Variants in KCNIP4 observed in about 807,000 individuals in gnomAD.
The protein encoded by KCNIP4 is potassium voltage-gated channel interacting protein 4.
KCNIP4 carries 12 observed loss-of-function variants against 34.0 expected under a neutral mutation model. The ratio of observed to expected loss-of-function variants is 0.35; its 90% CI spans 0.23 to 0.57. The LOEUF (loss-of-function observed/expected upper bound fraction) is 0.57, where lower values mean the gene tolerates loss of function less well. KCNIP4 is among the 20% of genes least tolerant of loss of function. The pLI, the probability that KCNIP4 is intolerant of heterozygous loss-of-function variation, is 0.83. For missense variants in KCNIP4, 238 were observed against 311.7 expected (o/e 0.76, Z 1.78); for synonymous variants, 124 against 102.2 (o/e 1.21, Z -1.29).
intron 1 of KCNIP4, among the ~76,000 whole-genome samples, chr4:21,813,956 T>C: frequency 6.6e-6 from 1 of 152,180 alleles, no homozygotes; most frequent in East Asian, 1.9e-4. Flanking sequence ...CAAAAGTACC[T>C]GTCAAAATGC....
At chr4:21,459,376 G>A (rs1270166474) in intron 1 of KCNIP4, among the ~76,000 whole-genome samples, 1 of 151,960 alleles carries the variant, frequency 6.6e-6, no homozygotes, top group Non-Finnish European at 1.5e-5. Context: ...TTCTTCCCTT[G>A]TTTTTCTTCC....
intron 1 of KCNIP4, among the ~76,000 whole-genome samples, chr4:21,038,962 C>T (rs1442318345): frequency 6.6e-6 from 1 of 152,164 alleles, no homozygotes; most frequent in Non-Finnish European, 1.5e-5. Flanking sequence ...GCATCCACAT[C>T]ATTCTCATGT....
intron 3 of KCNIP4, among the ~76,000 whole-genome samples, chr4:20,806,083 C>T (rs1171361460): frequency 6.6e-6 from 1 of 151,836 alleles, no homozygotes; most frequent in Non-Finnish European, 1.5e-5. Context: ...TTTGGGGGGG[C>T]TTTCTTTAAT....
rs143939303 is a variant in KCNIP4 at position 21,547,704 on chromosome 4, C to T, written c.61+400867G>A. 1.1e-3 allele frequency among the ~76,000 whole-genome samples: 169 copies of T among 152,150 alleles called. 1 individual carries two copies. The highest frequency in any genetic ancestry group is 3.7e-3 in the African/African-American group (155 of 41,536). On this transcript the variant is annotated intron_variant, in intron 1 of 8. Coordinates refer to ENST00000382152, the MANE Select transcript of KCNIP4 (RefSeq NM_025221.6). ...AAGGCCGAATGTCTGTTATCTGAAA[C>T]GCTTGAGACTACAAGTGTTTTAGAT...
intron 4 of KCNIP4, among the ~76,000 whole-genome samples, chr4:20,750,882 C>G (rs911077123): frequency 7.2e-5 from 11 of 151,842 alleles, no homozygotes; most frequent in African/African-American, 2.7e-4. Context: ...AACTTTTAAC[C>G]TTTATTGGGT....
intron 1 of KCNIP4, among the ~76,000 whole-genome samples, chr4:20,995,082 C>T (rs1047102151): frequency 6.6e-6 from 1 of 152,190 alleles, no homozygotes; most frequent in South Asian, 2.1e-4. Flanking sequence ...CTTTTCCAGG[C>T]TTTCTCTCAC....
intron 1 of KCNIP4, among the ~76,000 whole-genome samples, chr4:21,889,425 G>A (rs2109398817): frequency 6.6e-6 from 1 of 151,950 alleles, no homozygotes; most frequent in East Asian, 1.9e-4. Flanking sequence ...CAAACATTTT[G>A]GATAAGGGAT....
chr4:20,953,021 C>T (rs539990166), intron 1 of KCNIP4, among the ~76,000 whole-genome samples: 5 of 152,352 alleles, frequency 3.3e-5, no homozygotes, highest in East Asian at 3.9e-4. Flanking sequence ...ATGACTTAGT[C>T]ACTTCCCAAA....
At position 21,430,464 on chromosome 4, in the gene KCNIP4, C is replaced by T. The variant is rs541140307; in HGVS notation, c.61+518107G>A. ...CCTTTGAGGAAGTAAGCCATATACC[C>T]GCTATCAACATAGTACAGCCATACT... is the stretch of plus-strand genomic sequence containing the variant. On this transcript the variant is annotated intron_variant, in intron 1 of 8. Transcript: ENST00000382152. 1.2e-4 allele frequency among the ~76,000 whole-genome samples: 18 copies of T among 152,070 alleles called. No homozygotes were observed. The East Asian group carries it at 2.9e-3, about 25-fold the overall frequency.
At position 21,391,736 on chromosome 4, in the gene KCNIP4, G is replaced by A. The variant is rs566754575; in HGVS notation, c.62-509027C>T. Among the ~76,000 whole-genome samples the A allele has an allele frequency of 1.4e-4, 21 of 152,174 alleles. No individual in the cohort carries two copies. The South Asian group carries it at 3.5e-3, about 26-fold the overall frequency. ...CTGGAAAAATTCTACTGATTCTACG[G>A]GCAGCTCAAAAGTCTTCATCAGCTG... On this transcript the variant is annotated intron_variant, in intron 1 of 8. Transcript: ENST00000382152.
In KCNIP4 at chr4:21,932,358, T is replaced by C. The variant is rs149725015; in HGVS notation, c.61+16213A>G. 1.6e-3 allele frequency among the ~76,000 whole-genome samples: 236 copies of C among 152,206 alleles called. 2 individuals carry two copies. Among genetic ancestry groups the C allele is most frequent in the Non-Finnish European group, 2.3e-3 (156 of 67,992 alleles). On this transcript the variant is annotated intron_variant, in intron 1 of 8. Transcript: ENST00000382152. ...TTCTCAGCTGGAACAGGAACAACAGTAACTGGCCTGAAGCCTTGAGGAAGG... is the reference window on the plus strand; with the variant it reads ...TTCTCAGCTGGAACAGGAACAACAGCAACTGGCCTGAAGCCTTGAGGAAGG...
intron 2 of KCNIP4, among the ~76,000 whole-genome samples, chr4:20,871,618 G>A (rs1462686034): frequency 1.3e-5 from 2 of 151,956 alleles, no homozygotes; most frequent in African/African-American, 2.4e-5. Flanking sequence ...GTTCATGGTG[G>A]TATTCACCAA....
intron 1 of KCNIP4, among the ~76,000 whole-genome samples, chr4:21,496,802 A>G (rs1468229156): frequency 6.6e-6 from 1 of 152,174 alleles, no homozygotes; most frequent in Admixed American, 6.5e-5. Flanking sequence ...TGTGAGCTGC[A>G]CATGCGAGGG....
At chr4:21,087,854 T>C (rs1746606479) in intron 1 of KCNIP4, among the ~76,000 whole-genome samples, 1 of 152,188 alleles carries the variant, frequency 6.6e-6, no homozygotes, top group South Asian at 2.1e-4. Flanking sequence ...TCATTCTGAA[T>C]GTATTTTGCT....
chr4:20,732,245 T>A (rs1264577458), intron 7 of KCNIP4, among the ~76,000 whole-genome samples, 177 bp from the exon 8 acceptor site: 3 of 152,204 alleles, frequency 2.0e-5, no homozygotes, highest in Admixed American at 1.3e-4. Context: ...TAGGGCCAAA[T>A]GCTTCTGGCT....
chr4:21,716,827 T>C (rs761195289), intron 1 of KCNIP4, among the ~76,000 whole-genome samples: 9 of 152,292 alleles, frequency 5.9e-5, no homozygotes, highest in Admixed American at 5.2e-4. Flanking sequence ...TTTGTTCCTA[T>C]AGCCATTCCT....
chr4:21,775,073 T>C (rs781680108), intron 1 of KCNIP4, among the ~76,000 whole-genome samples: 1 of 152,190 alleles, frequency 6.6e-6, no homozygotes, highest in Non-Finnish European at 1.5e-5. Flanking sequence ...TTATTTCTCA[T>C]CTTTGTGAGT....
At chr4:20,751,725 T>G (rs1025454004) in intron 4 of KCNIP4, among the ~76,000 whole-genome samples, 3 of 152,198 alleles carry the variant, frequency 2.0e-5, no homozygotes, top group African/African-American at 7.2e-5. Flanking sequence ...GGGTATATGA[T>G]AATTACTATT....
chr4:20,914,614 TC>T (rs1243029763), intron 1 of KCNIP4, among the ~76,000 whole-genome samples: 1 of 152,196 alleles, frequency 6.6e-6, no homozygotes, highest in South Asian at 2.1e-4. Flanking sequence ...GGTATGTCTC[TC>T]CAGCATTGTA....
Sources: allele counts gnomAD v4.1 joint callset (sites outside exome capture counted in the v4.1 genomes callset), GRCh38; gene constraint gnomAD v4.1.1; transcripts MANE v1.5; gene names NCBI Gene and HGNC (gene_info 2026-07-23, HGNC 2026-07-21).